MNAT1: variants seen among roughly 807,000 people sequenced by gnomAD.
The protein encoded by MNAT1 is MNAT1 component of CDK activating kinase.
A neutral mutation model predicts 42.0 loss-of-function variants in MNAT1; 43 were observed. The ratio of observed to expected loss-of-function variants is 1.02; its 90% CI spans 0.80 to 1.32. The LOEUF is 1.32. Ranked by LOEUF, MNAT1 falls within the 40% of genes most tolerant of loss-of-function variation. MNAT1 has a pLI of 0.00. For synonymous variants in MNAT1, 118 were observed against 120.0 expected (o/e 0.98, Z 0.11); for missense variants, 306 against 350.4 (o/e 0.87, Z 1.01).
intron 6 of MNAT1, among the ~76,000 whole-genome samples, chr14:60,827,079 C>A (rs951158656): frequency 6.6e-6 from 1 of 151,934 alleles, no homozygotes; most frequent in African/African-American, 2.4e-5. Context: ...ACAAAGATAA[C>A]CTATGGATGT....
intron 5 of MNAT1, among the ~76,000 whole-genome samples, chr14:60,817,916 AG>A (rs2032764300): frequency 6.6e-6 from 1 of 151,652 alleles, no homozygotes; most frequent in African/African-American, 2.4e-5. Flanking sequence ...TTGTGTGTGT[AG>A]GAAAGAGAGA....
At chr14:60,925,065 G>A (rs938324764) in intron 7 of MNAT1, among the ~76,000 whole-genome samples, 11 of 152,224 alleles carry the variant, frequency 7.2e-5, no homozygotes, top group Non-Finnish European at 1.2e-4. Flanking sequence ...TTCAACTAAC[G>A]GCAAATTGAA....
chr14:60,780,509 T>G, intron 1 of MNAT1: 8 of 1,514,058 alleles, frequency 5.3e-6, no homozygotes, highest in Non-Finnish European at 7.3e-6. Context: ...TATTACCAAT[T>G]CTGAGGAAGT....
chr14:60,825,239 A>G (rs2033020877), intron 6 of MNAT1, among the ~76,000 whole-genome samples: 1 of 152,234 alleles, frequency 6.6e-6, no homozygotes, highest in Non-Finnish European at 1.5e-5. Context: ...TAGAATGGCT[A>G]AACTGGAAAT....
intron 7 of MNAT1, among the ~76,000 whole-genome samples, chr14:60,910,652 G>A (rs1281278602): frequency 6.6e-6 from 1 of 152,202 alleles, no homozygotes; most frequent in Non-Finnish European, 1.5e-5. Context: ...TGTTGAACCA[G>A]CCTTGCATCC....
At position 60,941,512 on chromosome 14, in the gene MNAT1, C is replaced by A. The variant is rs888192341; in HGVS notation, c.810-26717C>A. Among the ~76,000 whole-genome samples the A allele has an allele frequency of 4.3e-4, 66 of 152,110 alleles. 1 individual carries two copies. The highest frequency in any genetic ancestry group is 1.4e-3 in the African/African-American group (58 of 41,500). The stretch of plus-strand genomic sequence containing the variant: ...GACAGGAATTCAAGACCAGCTTGGG[C>A]AACATTGCAAGAACCCATCTCTACA... On this transcript the variant is annotated intron_variant, in intron 7 of 7. Transcript: ENST00000261245.
chr14:60,915,809 A>T (rs1344173626), intron 7 of MNAT1, among the ~76,000 whole-genome samples: 10 of 152,238 alleles, frequency 6.6e-5, no homozygotes, highest in Non-Finnish European at 4.4e-5. Flanking sequence ...TTTAAGTGAA[A>T]TTCAGTCAAC....
chr14:60,802,313 G>A (rs1275390133), intron 3 of MNAT1, among the ~76,000 whole-genome samples: 1 of 152,144 alleles, frequency 6.6e-6, no homozygotes, highest in Non-Finnish European at 1.5e-5. Context: ...TTTCAAAATT[G>A]CTAAAAGAGT....
At chr14:60,762,169 A>T (rs557774384) in intron 1 of MNAT1, among the ~76,000 whole-genome samples, 1 of 152,168 alleles carries the variant, frequency 6.6e-6, no homozygotes, top group South Asian at 2.1e-4. Context: ...AGTGACTTGA[A>T]GTTTGGGACA....
intron 1 of MNAT1, among the ~76,000 whole-genome samples, chr14:60,774,566 A>G (rs1163334138): frequency 6.6e-6 from 1 of 152,224 alleles, no homozygotes; most frequent in African/African-American, 2.4e-5. Flanking sequence ...ATTTGGAGGA[A>G]GAAGGTGGGT....
chr14:60,754,049 C>A (rs917623041), intron 1 of MNAT1: 1 of 152,200 alleles, frequency 6.6e-6, no homozygotes, highest in African/African-American at 2.4e-5. Flanking sequence ...TTCTACTAAC[C>A]GCCAAGTCAG....
At chr14:60,925,670 CTGTATCAT>C in intron 7 of MNAT1, among the ~76,000 whole-genome samples, 1 of 152,222 alleles carries the variant, frequency 6.6e-6, no homozygotes, top group Admixed American at 6.5e-5. Flanking sequence ...CCTATATTTA[CTGTATCAT>C]CTGTTTATTT....
chr14:60,874,279 G>T (rs943030762), intron 6 of MNAT1, among the ~76,000 whole-genome samples: 15 of 152,114 alleles, frequency 9.9e-5, no homozygotes, highest in African/African-American at 3.6e-4. Flanking sequence ...TGTAATTTAA[G>T]CTATCTATAC....
intron 7 of MNAT1, among the ~76,000 whole-genome samples, chr14:60,907,782 CAAAAAA>C (rs71114166): frequency 1.3e-5 from 1 of 77,574 alleles, no homozygotes; most frequent in Non-Finnish European, 2.3e-5. Context: ...AACTGTGTCT[CAAAAAA>C]AAAAAAAAAA....
At chr14:60,789,668 G>A (rs1015434162) in intron 1 of MNAT1, among the ~76,000 whole-genome samples, 12 of 152,088 alleles carry the variant, frequency 7.9e-5, no homozygotes, top group Admixed American at 4.6e-4. Flanking sequence ...CCCTGAAGGG[G>A]CTTTGAGCCT....
intron 1 of MNAT1, among the ~76,000 whole-genome samples, chr14:60,755,032 C>T (rs887837148): frequency 6.6e-6 from 1 of 151,930 alleles, no homozygotes; most frequent in Non-Finnish European, 1.5e-5. Context: ...CAAAATCTCA[C>T]TCTGTTGCCT....
intron 7 of MNAT1, 21 bp from the exon 8 acceptor site, chr14:60,968,208 A>T (rs762211486): frequency 1.3e-6 from 2 of 1,568,770 alleles, no homozygotes; most frequent in African/African-American, 2.7e-5. Flanking sequence ...TATCAATGCT[A>T]CACTTCTTGT....
intron 7 of MNAT1, among the ~76,000 whole-genome samples, chr14:60,951,032 C>T (rs1025719515): frequency 2.6e-5 from 4 of 152,024 alleles, no homozygotes; most frequent in African/African-American, 9.7e-5. Context: ...TTTGCGAATT[C>T]AGAGGAGGAA....
intron 7 of MNAT1, among the ~76,000 whole-genome samples, chr14:60,915,087 A>G (rs1030057160): frequency 1.3e-5 from 2 of 152,320 alleles, no homozygotes; most frequent in Non-Finnish European, 1.5e-5. Flanking sequence ...GTAATTTTTA[A>G]TGCAGATTGC....
Sources: gnomAD v4.1 joint callset for allele counts (sites outside exome capture counted in the v4.1 genomes callset) on GRCh38, gnomAD v4.1.1 for gene constraint, MANE v1.5 for transcripts, NCBI Gene and HGNC (gene_info 2026-07-23, HGNC 2026-07-21) for gene names.